Variants in CAMKMT observed in about 807,000 individuals in gnomAD.
The protein encoded by CAMKMT is calmodulin-lysine N-methyltransferase.
A neutral mutation model predicts 48.0 loss-of-function variants in CAMKMT; 53 were observed. The ratio of observed to expected loss-of-function variants is 1.10; its 90% CI spans 0.89 to 1.39. The LOEUF (loss-of-function observed/expected upper bound fraction) is 1.39, where lower values mean the gene tolerates loss of function less well. Ranked by LOEUF, CAMKMT falls within the 40% of genes most tolerant of loss-of-function variation. CAMKMT has a pLI of 0.00. For missense variants in CAMKMT, 428 were observed against 402.7 expected (o/e 1.06, Z -0.54); for synonymous variants, 165 against 152.3 (o/e 1.08, Z -0.61).
intron 3 of CAMKMT, among the ~76,000 whole-genome samples, chr2:44,511,254 G>C (rs561363343): frequency 6.6e-6 from 1 of 152,284 alleles, no homozygotes; most frequent in Non-Finnish European, 1.5e-5. Context: ...ATAATGGCCT[G>C]TGGCTCCATC....
At chr2:44,606,960 G>A (rs1671321896) in intron 3 of CAMKMT, among the ~76,000 whole-genome samples, 1 of 152,140 alleles carries the variant, frequency 6.6e-6, no homozygotes, top group African/African-American at 2.4e-5. Flanking sequence ...GGCTGCTTAG[G>A]TAGAGTCTGA....
At chr2:44,518,667 T>C (rs1175622461) in intron 3 of CAMKMT, among the ~76,000 whole-genome samples, 1 of 152,192 alleles carries the variant, frequency 6.6e-6, no homozygotes, top group Non-Finnish European at 1.5e-5. Context: ...TCTCTCCCAC[T>C]CTAAACTGTA....
rs546222019 is a variant in CAMKMT, at chr2:44,546,681, A to T, written c.376+156376A>T. Among the ~76,000 whole-genome samples the T allele has an allele frequency of 2.6e-5, 4 of 152,364 alleles. No individual in the cohort carries two copies. In the South Asian group the frequency reaches 8.3e-4, roughly 32 times the overall value. On this transcript the variant is annotated intron_variant, in intron 3 of 10. Transcript: ENST00000378494. Reference sequence around the variant, plus strand: ...GGGCAGCTGTCAGAAATGGGTAGTTATTAATAGCCCTCTCTTTTCACTTAG... The same window carrying T: ...GGGCAGCTGTCAGAAATGGGTAGTTTTTAATAGCCCTCTCTTTTCACTTAG...
chr2:44,656,497 T>C (rs1241584864), intron 3 of CAMKMT, among the ~76,000 whole-genome samples: 1 of 151,800 alleles, frequency 6.6e-6, no homozygotes, highest in Non-Finnish European at 1.5e-5. Flanking sequence ...ATTATAAGAG[T>C]GTGGATAATA....
At position 44,730,287 on chromosome 2, in the gene CAMKMT, C is replaced by G. The variant is rs78207246; in HGVS notation, c.624-13335C>G. Among the ~76,000 whole-genome samples, 392 of 152,324 alleles carry G rather than the reference C, an allele frequency of 2.6e-3. 8 individuals carry two copies. In the East Asian group the frequency reaches 0.033, roughly 13 times the overall value. On this transcript the variant is annotated intron_variant, in intron 7 of 10. Transcript: ENST00000378494. The stretch of plus-strand genomic sequence containing the variant: ...CATCCAGATCCTGTGTGTAAGATCA[C>G]ATGCAGTTCCACCTTCTTCAGGATA...
At chr2:44,498,438 A>G (rs1228417782) in intron 3 of CAMKMT, among the ~76,000 whole-genome samples, 7 of 152,252 alleles carry the variant, frequency 4.6e-5, no homozygotes, top group African/African-American at 1.4e-4. Context: ...GAGGAGCTAC[A>G]TCAACACACA....
intron 3 of CAMKMT, among the ~76,000 whole-genome samples, chr2:44,551,257 C>G (rs944131384): frequency 4.7e-4 from 72 of 152,254 alleles, no homozygotes; most frequent in East Asian, 3.9e-4. Context: ...GGCATGCCTT[C>G]TATGTCACAT....
At chr2:44,514,219 C>T (rs549399038) in intron 3 of CAMKMT, among the ~76,000 whole-genome samples, 26 of 152,094 alleles carry the variant, frequency 1.7e-4, no homozygotes, top group Non-Finnish European at 3.2e-4. Flanking sequence ...ATTAATTGTC[C>T]GGGGCTAGGA....
chr2:44,516,972 C>T (rs890871010), intron 3 of CAMKMT, among the ~76,000 whole-genome samples: 8 of 152,144 alleles, frequency 5.3e-5, no homozygotes, highest in African/African-American at 1.9e-4. Flanking sequence ...AAACTCCTGA[C>T]CTCAAATGAT....
chr2:44,636,821 G>A (rs559449992), intron 3 of CAMKMT, among the ~76,000 whole-genome samples: 153 of 152,262 alleles, frequency 1.0e-3, no homozygotes, highest in African/African-American at 3.4e-3. Context: ...GTTTGTTTTT[G>A]TCGGTTTCCC....
At chr2:44,390,408 T>C (rs1478470235) in intron 3 of CAMKMT, 103 bp downstream of exon 3, 1 of 756,742 alleles carries the variant, frequency 1.3e-6, no homozygotes, top group East Asian at 2.8e-5. Context: ...TCACTAAATG[T>C]ATGCATATAT....
intron 3 of CAMKMT, among the ~76,000 whole-genome samples, chr2:44,548,124 C>T (rs1391530167): frequency 6.6e-6 from 1 of 152,146 alleles, no homozygotes; most frequent in Admixed American, 6.6e-5. Context: ...TTCAAATGGG[C>T]TTAGTTCTTT....
chr2:44,556,388 C>G (rs1163690954), intron 3 of CAMKMT, among the ~76,000 whole-genome samples: 1 of 151,668 alleles, frequency 6.6e-6, no homozygotes, highest in Admixed American at 6.6e-5. Context: ...ATCCACCTGC[C>G]TCGGCCTCTC....
At chr2:44,610,476 C>CT (rs1432045059) in intron 3 of CAMKMT, among the ~76,000 whole-genome samples, 13 of 152,130 alleles carry the variant, frequency 8.5e-5, no homozygotes, top group African/African-American at 2.4e-4. Flanking sequence ...TCCAAAACCT[C>CT]TAAGTTTCCT....
rs909220195 is a variant in CAMKMT at position 44,653,372 on chromosome 2, C to G, written c.377-50911C>G. Among the ~76,000 whole-genome samples the G allele has an allele frequency of 6.6e-6, 1 of 152,088 alleles. No individual in the cohort carries two copies. Among genetic ancestry groups the G allele is most frequent in the African/African-American group, 2.4e-5 (1 of 41,410 alleles). On this transcript the variant is annotated intron_variant, in intron 3 of 10. Transcript: ENST00000378494. The surrounding 1 kb of genome is among the most constrained non-coding windows in gnomAD (Gnocchi z 5.2). ...CACAGAGGAGAAGTAAGCTGAAGTG[C>G]CATTTGCTGTAAAAATCAACCAAAA...
In CAMKMT at chr2:44,653,218, C is replaced by A. The variant is rs1674190400; in HGVS notation, c.377-51065C>A. ...AGCTCCTTTAAAGCAAGGGACATCT[C>A]CTCTGCTTTTAATATCCTCTTCAAC... On this transcript the variant is annotated intron_variant, in intron 3 of 10. Transcript: ENST00000378494. This position sits in a 1 kb window ranked among gnomAD's most constrained non-coding sequence, Gnocchi z 5.2. Among the ~76,000 whole-genome samples, 1 of 152,154 alleles carries A rather than the reference C, an allele frequency of 6.6e-6. No individual in the cohort carries two copies. The highest frequency in any genetic ancestry group is 1.5e-5 in the Non-Finnish European group (1 of 68,030).
chr2:44,716,384 T>G (rs1047394620), intron 7 of CAMKMT, among the ~76,000 whole-genome samples: 1 of 152,134 alleles, frequency 6.6e-6, no homozygotes, highest in Non-Finnish European at 1.5e-5. Flanking sequence ...GACATGAAAA[T>G]AGCTACAATG....
chr2:44,694,725 A>C (rs1676844222), intron 3 of CAMKMT, among the ~76,000 whole-genome samples: 1 of 152,240 alleles, frequency 6.6e-6, no homozygotes, highest in Admixed American at 6.5e-5. Flanking sequence ...CTAAAGTCTG[A>C]CAAATTCAAC....
chr2:44,645,051 A>C (rs1156381439), intron 3 of CAMKMT, among the ~76,000 whole-genome samples: 5 of 152,226 alleles, frequency 3.3e-5, no homozygotes, highest in Non-Finnish European at 5.9e-5. Context: ...TTATTTTTAC[A>C]TCTTGTACAA....
Sources: gnomAD v4.1 joint callset for allele counts (sites outside exome capture counted in the v4.1 genomes callset) on GRCh38, gnomAD v4.1.1 for gene constraint, Gnocchi (gnomAD v3.1) non-coding constraint, MANE v1.5 for transcripts, NCBI Gene and HGNC (gene_info 2026-07-23, HGNC 2026-07-21) for gene names.